The following CCDC170 variants were observed in gnomAD, a reference collection of about 807,000 sequenced individuals.
CCDC170 encodes coiled-coil domain-containing protein 170.
In CCDC170, 69 loss-of-function variants were observed where a neutral mutation model predicts 72.6. The ratio of observed to expected loss-of-function variants is 0.95; its 90% CI spans 0.78 to 1.16. The LOEUF is 1.16. Ranked by LOEUF, CCDC170 falls within the 50% of genes most tolerant of loss-of-function variation. The probability of loss-of-function intolerance (pLI) is 0.00; values close to 1 mark genes in which losing one functional copy is unlikely to be tolerated. For missense variants in CCDC170, 852 were observed against 832.5 expected (o/e 1.02, Z -0.29); for synonymous variants, 300 against 303.9 (o/e 0.99, Z 0.13).
chr6:151,500,184 G>T (rs967182772), intron 1 of CCDC170, among the ~76,000 whole-genome samples: 2 of 149,498 alleles, frequency 1.3e-5, no homozygotes, highest in African/African-American at 4.9e-5. Flanking sequence ...ACTTTTTAAA[G>T]AACCATTTCC....
In CCDC170 at chr6:151,558,232, GTTT is replaced by G. The variant is rs55648936; in HGVS notation, c.774+9764_774+9766del. Among the ~76,000 whole-genome samples the G allele has an allele frequency of 7.7e-3, 546 of 70,870 alleles. 1 individual carries two copies. The highest frequency in any genetic ancestry group is 9.3e-3 in the Non-Finnish European group (361 of 38,780). The allele number at this position is 70,870 out of a possible 152,430, so 46.5% of individuals were successfully genotyped here. On this transcript the variant is annotated intron_variant, in intron 5 of 10. Coordinates refer to ENST00000239374, the MANE Select transcript of CCDC170 (RefSeq NM_025059.4). ...TCACCCACTTTTTATTGAGATTAGT[GTTT>G]TTTTTTTTTTTTTTTTTTTTAATGT...
chr6:151,572,308 A>C (rs558273520), intron 5 of CCDC170, among the ~76,000 whole-genome samples: 1 of 152,310 alleles, frequency 6.6e-6, no homozygotes, highest in South Asian at 2.1e-4. Flanking sequence ...TGAATATTGG[A>C]TATTGGAAGT....
chr6:151,532,564 G>A (rs192684223), intron 1 of CCDC170, among the ~76,000 whole-genome samples: 3 of 150,786 alleles, frequency 2.0e-5, no homozygotes, highest in African/African-American at 2.4e-5. Flanking sequence ...CCGAAATTAC[G>A]TCACTGCACT....
At chr6:151,567,683 T>C (rs1053117572) in intron 5 of CCDC170, among the ~76,000 whole-genome samples, 1 of 152,236 alleles carries the variant, frequency 6.6e-6, no homozygotes, top group African/African-American at 2.4e-5. Context: ...ATTTAGATTA[T>C]AGTTGGCAAA....
intron 6 of CCDC170, among the ~76,000 whole-genome samples, chr6:151,577,234 C>A (rs1186689118): frequency 6.6e-6 from 1 of 152,052 alleles, no homozygotes; most frequent in African/African-American, 2.4e-5. Context: ...TTGGCCTCTA[C>A]CCGCTAGTAG....
rs1317503002 is a variant in CCDC170 at position 151,570,475 on chromosome 6, CATG to C, written c.775-2696_775-2694del. ...AAAAATAATACAAATAAAAACAACA[CATG>C]ATAACAGTTATTTATCTAGCATTTA... On this transcript the variant is annotated intron_variant, in intron 5 of 10. Transcript: ENST00000239374. 4.6e-5 allele frequency among the ~76,000 whole-genome samples: 7 copies of C among 152,108 alleles called. No homozygotes were observed. In the South Asian group the frequency reaches 6.2e-4, roughly 13 times the overall value.
At chr6:151,612,330 G>A (rs766698383) in intron 9 of CCDC170, among the ~76,000 whole-genome samples, 1 of 152,152 alleles carries the variant, frequency 6.6e-6, no homozygotes, top group Non-Finnish European at 1.5e-5. Flanking sequence ...GTCTCCACAT[G>A]TCATCAACGT....
intron 1 of CCDC170, among the ~76,000 whole-genome samples, chr6:151,497,041 C>T (rs1781921213): frequency 6.6e-6 from 1 of 152,220 alleles, no homozygotes; most frequent in African/African-American, 2.4e-5. Context: ...CAGCCACCAT[C>T]TCAATAGTCA....
At chr6:151,608,873 C>T (rs1776825613) in intron 9 of CCDC170, among the ~76,000 whole-genome samples, 1 of 152,190 alleles carries the variant, frequency 6.6e-6, no homozygotes, top group African/African-American at 2.4e-5. Context: ...ACATGGACTC[C>T]AGGCAGCTCA....
intron 4 of CCDC170, among the ~76,000 whole-genome samples, chr6:151,545,279 C>T (rs1416023240): frequency 3.9e-5 from 6 of 151,958 alleles, no homozygotes; most frequent in East Asian, 1.9e-4. Flanking sequence ...ATTAGCCAGG[C>T]GTGGTGGCAG....
chr6:151,617,015 T>C (rs1328821044), intron 10 of CCDC170, among the ~76,000 whole-genome samples: 2 of 152,292 alleles, frequency 1.3e-5, no homozygotes, highest in African/African-American at 2.4e-5. Flanking sequence ...CATTCCCAAA[T>C]TGGACTCTGC....
chr6:151,506,235 CT>C (rs1288116880), intron 1 of CCDC170, among the ~76,000 whole-genome samples: 1 of 152,146 alleles, frequency 6.6e-6, no homozygotes, highest in Non-Finnish European at 1.5e-5. Flanking sequence ...AATGAATTGA[CT>C]TATTACGTGG....
intron 5 of CCDC170, among the ~76,000 whole-genome samples, chr6:151,564,292 T>C (rs1776092745): frequency 1.3e-5 from 2 of 152,176 alleles, no homozygotes; most frequent in African/African-American, 4.8e-5. Context: ...TTGGTGTCCA[T>C]TATTTCCTCA....
At chr6:151,561,083 G>A (rs1051993392) in intron 5 of CCDC170, among the ~76,000 whole-genome samples, 2 of 151,740 alleles carry the variant, frequency 1.3e-5, no homozygotes, top group African/African-American at 2.4e-5. Flanking sequence ...TTAAAATTGT[G>A]TGGGTACATA....
intron 9 of CCDC170, among the ~76,000 whole-genome samples, chr6:151,606,176 ACAGG>A (rs1321996241): frequency 6.6e-6 from 1 of 152,228 alleles, no homozygotes; most frequent in Non-Finnish European, 1.5e-5. Flanking sequence ...TGTTGGGATT[ACAGG>A]CGTGAGCCAC....
intron 6 of CCDC170, 117 bp from the exon 7 acceptor site, chr6:151,585,772 C>A: frequency 2.4e-6 from 2 of 830,364 alleles, no homozygotes; most frequent in Non-Finnish European, 3.6e-6. Context: ...GGGATTTTTA[C>A]AAATAATCTG....
chr6:151,580,667 A>T (rs4869739), intron 6 of CCDC170, among the ~76,000 whole-genome samples: 66,630 of 151,976 alleles, frequency 0.44, 17,273 homozygotes, highest in East Asian at 0.82. Context: ...CAAATATCTA[A>T]TTTCAAGCAC....
At chr6:151,598,252 G>T (rs1280009200) in intron 9 of CCDC170, among the ~76,000 whole-genome samples, 1 of 152,166 alleles carries the variant, frequency 6.6e-6, no homozygotes, top group East Asian at 1.9e-4. Flanking sequence ...ATTTGGAATA[G>T]GGTGGAATAG....
intron 1 of CCDC170, among the ~76,000 whole-genome samples, chr6:151,503,392 A>C (rs1782021356): frequency 2.0e-5 from 3 of 152,136 alleles, no homozygotes; most frequent in Admixed American, 2.0e-4. Context: ...ATAGTCTTAG[A>C]AACAGCAAGA....
Sources: allele counts gnomAD v4.1 joint callset (sites outside exome capture counted in the v4.1 genomes callset), GRCh38; gene constraint gnomAD v4.1.1; transcripts MANE v1.5; gene names NCBI Gene and HGNC (gene_info 2026-07-23, HGNC 2026-07-21).